PRLR: variants seen among roughly 807,000 people sequenced by gnomAD.
The protein encoded by PRLR is hPRL receptor.
Under a neutral mutation model 40.2 loss-of-function variants are expected in PRLR, and 13 were observed. The ratio of observed to expected loss-of-function variants is 0.32; its 90% CI spans 0.21 to 0.51. The LOEUF is 0.51. Ranked by LOEUF, PRLR falls within the 20% of genes least tolerant of loss-of-function variation. The pLI is 0.97. For synonymous variants in PRLR, 269 were observed against 278.7 expected, an observed-to-expected ratio of 0.97 and a Z score of 0.35; for missense variants, 656 against 747.3, an observed-to-expected ratio of 0.88 and a Z score of 1.42.
intron 1 of PRLR, among the ~76,000 whole-genome samples, chr5:35,188,759 G>A (rs774396732): frequency 1.1e-4 from 17 of 152,162 alleles, no homozygotes; most frequent in Non-Finnish European, 2.2e-4. Context: ...TCTCAATGCC[G>A]TCCACTGTCC....
At chr5:35,186,866 G>A (rs1190563194) in intron 1 of PRLR, among the ~76,000 whole-genome samples, 1 of 152,202 alleles carries the variant, frequency 6.6e-6, no homozygotes, top group Non-Finnish European at 1.5e-5. Flanking sequence ...CCCGCTGTGT[G>A]ATAAACCTGC....
rs767143994 is a variant in PRLR at position 35,070,265 on chromosome 5, T to C, written c.544A>G (p.Ile182Val). 6.2e-7 allele frequency: 1 copy of C among 1,613,346 alleles called. No homozygotes were observed. Among genetic ancestry groups the C allele is most frequent in the South Asian group, 1.1e-5 (1 of 90,776 alleles). The change falls in exon 7 of 10, where the codon ATC (isoleucine) becomes GTC (valine). Residue 182 changes from isoleucine to valine, a missense_variant and splice_region_variant. By Grantham distance (29) the Ile-to-Val change is conservative. Coordinates refer to ENST00000618457, the MANE Select transcript of PRLR (RefSeq NM_000949.7). ...TCTGTTTGCTGCCCAGCAAAATGGA[T>C]CTAAGGTAGAATAAGGAAAACAGAA... ...LKPEKAAEWE[I>V]HFAGQQTEFK...
intron 8 of PRLR, among the ~76,000 whole-genome samples, chr5:35,049,662 C>T (rs1235222479): frequency 6.6e-6 from 1 of 152,118 alleles, no homozygotes; most frequent in Non-Finnish European, 1.5e-5. Context: ...TATACACATG[C>T]TGTTTCAGAA....
At chr5:35,153,373 T>C (rs1300202825) in intron 1 of PRLR, among the ~76,000 whole-genome samples, 1 of 152,168 alleles carries the variant, frequency 6.6e-6, no homozygotes, top group Non-Finnish European at 1.5e-5. Context: ...CGTCTGGGAT[T>C]GTCTCTCTCA....
chr5:35,217,282 T>G (rs1776309039), intron 1 of PRLR, among the ~76,000 whole-genome samples: 1 of 152,192 alleles, frequency 6.6e-6, no homozygotes, highest in African/African-American at 2.4e-5. Flanking sequence ...CCATGCAGGC[T>G]TAGATCCTAG....
chr5:35,100,262 T>C (rs1579644591), intron 2 of PRLR, among the ~76,000 whole-genome samples: 2 of 151,984 alleles, frequency 1.3e-5, no homozygotes, highest in East Asian at 3.9e-4. Context: ...GGTTAATTTA[T>C]TACTGAAGAA....
chr5:35,134,524 A>C (rs1340112920), intron 1 of PRLR, among the ~76,000 whole-genome samples: 2 of 152,262 alleles, frequency 1.3e-5, no homozygotes, highest in Non-Finnish European at 2.9e-5. Context: ...ACCACTCATC[A>C]GTGGATAAAA....
At chr5:35,095,818 A>C (rs1408905899) in intron 2 of PRLR, among the ~76,000 whole-genome samples, 1 of 152,190 alleles carries the variant, frequency 6.6e-6, no homozygotes, top group African/African-American at 2.4e-5. Context: ...TTCCATAGTG[A>C]ATTACTTTTA....
In PRLR at chr5:35,230,312, C is replaced by T. The variant is rs1044451479; in HGVS notation, c.-150G>A. On this transcript the variant is annotated 5_prime_UTR_variant, in exon 1 of 10. Transcript: ENST00000618457. ...CTGCCACATCAGTCGATGAGTACTTCCTGCACGAGGACATGAAGCTCCATT... is the reference window on the plus strand; with the variant it reads ...CTGCCACATCAGTCGATGAGTACTTTCTGCACGAGGACATGAAGCTCCATT... 1 of 152,260 alleles carries T rather than the reference C, an allele frequency of 6.6e-6. No homozygotes were observed. The highest frequency in any genetic ancestry group is 1.5e-5 in the Non-Finnish European group (1 of 68,072). The allele number at this position is 152,260 out of a possible 1,614,324, so 9.4% of individuals were successfully genotyped here. A position where few individuals can be genotyped will look rare whatever the true frequency, so the allele number is the denominator to read the frequency against.
At chr5:35,229,735 T>C (rs1436598159) in intron 1 of PRLR, among the ~76,000 whole-genome samples, 1 of 152,114 alleles carries the variant, frequency 6.6e-6, no homozygotes, top group African/African-American at 2.4e-5. Context: ...TTGCTAACCC[T>C]AAACTTTCCC....
At chr5:35,070,774 C>A (rs536380312) in intron 6 of PRLR, among the ~76,000 whole-genome samples, 8 of 134,472 alleles carry the variant, frequency 5.9e-5, no homozygotes, top group Non-Finnish European at 9.1e-5. Flanking sequence ...ACCTGGGAGG[C>A]GGATGTTTCA....
intron 1 of PRLR, among the ~76,000 whole-genome samples, chr5:35,132,147 A>G (rs1773706968): frequency 6.6e-6 from 1 of 152,182 alleles, no homozygotes; most frequent in African/African-American, 2.4e-5. Flanking sequence ...ATTCAGGGGT[A>G]ATTGATTTCC....
chr5:35,087,367 T>G (rs1306506565), intron 3 of PRLR, among the ~76,000 whole-genome samples: 1 of 151,798 alleles, frequency 6.6e-6, no homozygotes, highest in East Asian at 1.9e-4. Flanking sequence ...CCATCCCCAT[T>G]TCTGAATCTT....
intron 1 of PRLR, among the ~76,000 whole-genome samples, chr5:35,223,439 C>G (rs1776471071): frequency 6.6e-6 from 1 of 152,306 alleles, no homozygotes; most frequent in South Asian, 2.1e-4. Context: ...AAAAGCTTCT[C>G]AGGTGATTCT....
Position 35,218,587 on chromosome 5 carries a change from G to A in PRLR, c.-106+11681C>T, listed in dbSNP as rs560172149. ...AGGAAGGAAGGTCTGTTACTTTCAC[G>A]CTAGTTATTGAGAAACCAAGTAACT... On this transcript the variant is annotated intron_variant, in intron 1 of 9. Transcript: ENST00000618457. 2.6e-5 allele frequency among the ~76,000 whole-genome samples: 4 copies of A among 152,190 alleles called. No homozygotes were observed. In the South Asian group the frequency reaches 8.3e-4, roughly 32 times the overall value.
chr5:35,107,754 A>T (rs905484286), intron 2 of PRLR, among the ~76,000 whole-genome samples: 2 of 152,206 alleles, frequency 1.3e-5, no homozygotes, highest in African/African-American at 2.4e-5. Context: ...AAGCAAAAAA[A>T]GTCCAGGAGC....
chr5:35,086,143 T>A, intron 4 of PRLR, 65 bp downstream of exon 4: 1 of 1,583,618 alleles, frequency 6.3e-7, no homozygotes, highest in Non-Finnish European at 8.6e-7. Flanking sequence ...AGAACCAGTG[T>A]TTCTTTGGCC....
rs147736482 is a variant in PRLR, at chr5:35,163,760, C to T, written c.-105-45638G>A. ...TTTCTTAATCCTTCTCAAGTGCCTACATTTTCTAACTTTTTAAACATCAAC... is the reference window on the plus strand; with the variant it reads ...TTTCTTAATCCTTCTCAAGTGCCTATATTTTCTAACTTTTTAAACATCAAC... On this transcript the variant is annotated intron_variant, in intron 1 of 9. Transcript: ENST00000618457. 1.2e-4 allele frequency among the ~76,000 whole-genome samples: 19 copies of T among 152,332 alleles called. No homozygotes were observed. In the Middle Eastern group the frequency reaches 0.01, roughly 82 times the overall value.
intron 1 of PRLR, among the ~76,000 whole-genome samples, 174 bp downstream of exon 1, chr5:35,230,094 C>T (rs1328513188): frequency 6.6e-6 from 1 of 152,152 alleles, no homozygotes; most frequent in East Asian, 1.9e-4. Context: ...CCCGGGCTTC[C>T]CCGCCGGCTG....
Sources: allele counts gnomAD v4.1 joint callset (sites outside exome capture counted in the v4.1 genomes callset), GRCh38; gene constraint gnomAD v4.1.1; transcripts MANE v1.5; gene names NCBI Gene and HGNC (gene_info 2026-07-23, HGNC 2026-07-21).